The following LGSN variants were observed in gnomAD, a reference collection of about 807,000 sequenced individuals.
LGSN encodes lengsin, lens protein with glutamine synthetase domain, also known as lengsin.
LGSN carries 21 observed loss-of-function variants against 19.5 expected under a neutral mutation model. The observed-to-expected ratio is 1.07, with a 90% CI of 0.76 to 1.55. LGSN has a LOEUF of 1.55. Among genes scored for constraint, LGSN ranks in the 40% most tolerant of loss-of-function variants. LGSN has a pLI of 0.00. For missense variants in LGSN, 673 were observed against 608.5 expected, an observed-to-expected ratio of 1.11 and a Z score of -1.12; for synonymous variants, 257 against 215.6, an observed-to-expected ratio of 1.19 and a Z score of -1.68.
chr6:63,326,646 T>A, the LGSN span, among the ~76,000 whole-genome samples: 4 of 151,472 alleles, frequency 2.6e-5, no homozygotes, highest in Admixed American at 6.6e-5. Flanking sequence ...AGCGCTGGTG[T>A]GCTGGCACTG....
At chr6:63,494,786 A>AT in the LGSN span, among the ~76,000 whole-genome samples, 1 of 152,094 alleles carries the variant, frequency 6.6e-6, no homozygotes, top group East Asian at 1.9e-4. Flanking sequence ...TCTCTGTTGT[A>AT]TTTTCACAGT....
At chr6:63,397,846 A>C in the LGSN span, among the ~76,000 whole-genome samples, 5 of 152,152 alleles carry the variant, frequency 3.3e-5, no homozygotes, top group Admixed American at 6.5e-5. Flanking sequence ...AAGCTGAGGC[A>C]CAAGAATCAC....
chr6:63,292,863 A>C (rs1397777645), intron 2 of LGSN, among the ~76,000 whole-genome samples: 1 of 152,192 alleles, frequency 6.6e-6, no homozygotes, highest in Non-Finnish European at 1.5e-5. Flanking sequence ...CAAAACTAAG[A>C]TTAACTTGGG....
At chr6:63,413,662 A>G in the LGSN span, among the ~76,000 whole-genome samples, 1 of 152,288 alleles carries the variant, frequency 6.6e-6, no homozygotes, top group East Asian at 1.9e-4. Context: ...CACCCACTAT[A>G]TGTATTGCAC....
intron 2 of LGSN, among the ~76,000 whole-genome samples, chr6:63,286,702 A>G (rs1167782439): frequency 6.6e-6 from 1 of 152,250 alleles, no homozygotes; most frequent in Non-Finnish European, 1.5e-5. Flanking sequence ...AGTTGCTGTC[A>G]GAACTTTTAG....
the LGSN span, among the ~76,000 whole-genome samples, chr6:63,365,144 G>A: frequency 1.3e-5 from 2 of 152,238 alleles, no homozygotes; most frequent in Non-Finnish European, 2.9e-5. Flanking sequence ...AATGAATCCA[G>A]GAGCTGGTTT....
the LGSN span, among the ~76,000 whole-genome samples, chr6:63,344,560 T>C: frequency 3.0e-3 from 450 of 152,300 alleles, 3 homozygotes; most frequent in African/African-American, 0.01. Context: ...GATGGCTGTA[T>C]ACAAGGCCCA....
the LGSN span, among the ~76,000 whole-genome samples, chr6:63,385,709 C>T: frequency 6.6e-6 from 1 of 152,158 alleles, no homozygotes; most frequent in African/African-American, 2.4e-5. Context: ...TATAAACTTG[C>T]TTAGTTTCTC....
chr6:63,563,869 A>C, the LGSN span, among the ~76,000 whole-genome samples: 1 of 152,248 alleles, frequency 6.6e-6, no homozygotes, highest in African/African-American at 2.4e-5. Flanking sequence ...AAAACTGGGA[A>C]TAGGATGCCC....
the LGSN span, among the ~76,000 whole-genome samples, chr6:63,325,469 C>CT: frequency 6.6e-6 from 1 of 152,266 alleles, no homozygotes; most frequent in East Asian, 1.9e-4. Context: ...CAATTATACA[C>CT]TAACAAACTG....
the LGSN span, among the ~76,000 whole-genome samples, chr6:63,394,330 C>T: frequency 6.6e-6 from 1 of 152,136 alleles, no homozygotes; most frequent in African/African-American, 2.4e-5. Context: ...ACCCACTAAA[C>T]CAAGATGGAG....
At chr6:63,418,432 G>A in the LGSN span, among the ~76,000 whole-genome samples, 191 of 152,172 alleles carry the variant, frequency 1.3e-3, no homozygotes, top group Non-Finnish European at 2.1e-3. Context: ...GTGTTGGTGC[G>A]CTCCTGTAGT....
the LGSN span, among the ~76,000 whole-genome samples, chr6:63,536,753 A>G: frequency 6.6e-6 from 1 of 152,142 alleles, no homozygotes; most frequent in African/African-American, 2.4e-5. Flanking sequence ...AGCAGTCTTA[A>G]TTTTTATTTA....
chr6:63,502,115 A>G, the LGSN span, among the ~76,000 whole-genome samples: 2 of 152,218 alleles, frequency 1.3e-5, no homozygotes, highest in African/African-American at 2.4e-5. Flanking sequence ...TAAGTTTTCT[A>G]TGATGAGTAC....
At chr6:63,467,094 G>T in the LGSN span, among the ~76,000 whole-genome samples, 1 of 152,030 alleles carries the variant, frequency 6.6e-6, no homozygotes, top group Non-Finnish European at 1.5e-5. Flanking sequence ...CCATTAAAGG[G>T]TCCAGGAAAT....
the LGSN span, among the ~76,000 whole-genome samples, chr6:63,430,935 GC>G: frequency 1.3e-5 from 2 of 152,210 alleles, no homozygotes; most frequent in Non-Finnish European, 2.9e-5. Context: ...ATAATTAAGA[GC>G]TGTTTAAAAA....
intron 1 of LGSN, among the ~76,000 whole-genome samples, chr6:63,313,531 G>A (rs371244022): frequency 9.2e-5 from 14 of 152,086 alleles, no homozygotes; most frequent in African/African-American, 3.1e-4. Flanking sequence ...GAGAAGACTT[G>A]CATATATTTA....
the LGSN span, among the ~76,000 whole-genome samples, chr6:63,327,186 T>A: frequency 6.6e-6 from 1 of 152,192 alleles, no homozygotes; most frequent in Non-Finnish European, 1.5e-5. Context: ...CCAGGGGTCC[T>A]CAGTAGAAGT....
At chr6:63,434,488 G>A in the LGSN span, among the ~76,000 whole-genome samples, 98 of 149,224 alleles carry the variant, frequency 6.6e-4, 1 homozygote, top group South Asian at 0.02. Context: ...GCCAGGTGCC[G>A]TGGCTCACGT....
Sources: gnomAD v4.1 joint callset for allele counts (sites outside exome capture counted in the v4.1 genomes callset) on GRCh38, gnomAD v4.1.1 for gene constraint, MANE v1.5 for transcripts, NCBI Gene and HGNC (gene_info 2026-07-23, HGNC 2026-07-21) for gene names.